PLEKHH3: variants seen among roughly 807,000 people sequenced by gnomAD.
The protein encoded by PLEKHH3 is pleckstrin homology, MyTH4 and FERM domain containing H3.
Under a neutral mutation model 77.8 loss-of-function variants are expected in PLEKHH3, and 57 were observed. The observed-to-expected ratio is 0.73, with a 90% CI of 0.59 to 0.91. The LOEUF (loss-of-function observed/expected upper bound fraction) is 0.91. PLEKHH3 is among the 40% of genes least tolerant of loss of function. The pLI, the probability that PLEKHH3 is intolerant of heterozygous loss-of-function variation, is 0.00. For missense variants in PLEKHH3, 1,082 were observed against 1,091.2 expected, an observed-to-expected ratio of 0.99 and a Z score of 0.12; for synonymous variants, 467 against 504.8, an observed-to-expected ratio of 0.93 and a Z score of 1.00.
chr17:42,669,419 T>G lies in PLEKHH3; in HGVS notation c.2205+11A>C. 1.3e-6 allele frequency: 2 copies of G among 1,514,750 alleles called. No individual in the cohort carries two copies. Among genetic ancestry groups the G allele is most frequent in the Non-Finnish European group, 1.8e-6 (2 of 1,129,174 alleles). 93.8% of individuals were successfully genotyped at this position (1,514,750 alleles called of 1,614,324 possible). A position where few individuals can be genotyped will look rare whatever the true frequency, so the allele number is the denominator to read the frequency against. On this transcript the variant is annotated intron_variant, in intron 12 of 12. Coordinates refer to ENST00000591022, the MANE Select transcript of PLEKHH3 (RefSeq NM_024927.5). ...TTCTCTCCTCCTCCCACAACTCCTC[T>G]TCTCACTCACCTGGGGGCTCTGCAG...
chr17:42,669,529 G>T lies in PLEKHH3; in HGVS notation c.2106C>A (p.His702Gln). The change falls in exon 12 of 13, where the codon CAC becomes CAA. Residue 702 changes from histidine to glutamine, a missense_variant. By Grantham distance (24) the His-to-Gln change is conservative. Around this residue, in one of 3 missense-constraint regions of PLEKHH3, gnomAD observed 733 missense variants for 750.0 expected, o/e 0.98. Transcript: ENST00000591022. ...LSRPGETEPI[H>Q]SVSYGHVAAC... ...CGGCCACATGGCCATAGCTGACACTGTGGATGGGCTCCGTCTCCCCTGGCC... is the reference window on the plus strand; with the variant it reads ...CGGCCACATGGCCATAGCTGACACTTTGGATGGGCTCCGTCTCCCCTGGCC... 1.2e-6 allele frequency: 2 copies of T among 1,611,766 alleles called. No individual in the cohort carries two copies. Among genetic ancestry groups the T allele is most frequent in the South Asian group, 2.2e-5 (2 of 90,982 alleles).
At chr17:42,674,249 T>C (rs919694300) in intron 2 of PLEKHH3, 105 bp downstream of exon 2, 20 of 1,354,454 alleles carry the variant, frequency 1.5e-5, no homozygotes, top group Non-Finnish European at 1.9e-5. Context: ...GCGTCCGGCA[T>C]AGGGCCTCTC....
rs754513780 is a variant in PLEKHH3, at chr17:42,673,303, G to A, written c.649-7C>T. ...CTGGGTCCCCGCAACTTTCCTAGGG[G>A]GCCAGGGAGAGGGTCACCTTGATGG... is the stretch of plus-strand genomic sequence containing the variant. On this transcript the variant is annotated splice_polypyrimidine_tract_variant and splice_region_variant and intron_variant, in intron 5 of 12. Coordinates refer to ENST00000591022, the MANE Select transcript of PLEKHH3 (RefSeq NM_024927.5). The A allele has an allele frequency of 6.3e-7, 1 of 1,599,316 alleles. No homozygotes were observed. Among genetic ancestry groups the A allele is most frequent in the South Asian group, 1.1e-5 (1 of 88,924 alleles).
At chr17:42,669,333 G>A in intron 12 of PLEKHH3, 97 bp downstream of exon 12, 1 of 1,279,608 alleles carries the variant, frequency 7.8e-7, no homozygotes, top group Non-Finnish European at 1.0e-6. Context: ...GATCCCCAGT[G>A]CTTAGAGCTC....
At position 42,672,316 on chromosome 17, in the gene PLEKHH3, G is replaced by C. The variant is rs1341010501; in HGVS notation, c.846C>G (p.Arg282=). 1 of 1,548,436 alleles carries C rather than the reference G, an allele frequency of 6.5e-7. No individual in the cohort carries two copies. Among genetic ancestry groups the C allele is most frequent in the East Asian group, 2.4e-5 (1 of 40,934 alleles). Residue 282 remains arginine, a synonymous_variant, in exon 7 of 13, where the codon CGC becomes CGG. Coordinates refer to ENST00000591022, the MANE Select transcript of PLEKHH3 (RefSeq NM_024927.5). The part of the protein sequence containing the change: ...LALQALEGAR[R]PGPLMQGVLQ... ...GCACACCCTGCATCAAGGGCCCGGG[G>C]CGCCGCGCCCCCTCCAGCGCCTGCA...
In PLEKHH3 at chr17:42,668,293, A is replaced by T. The variant is rs779690858; in HGVS notation, c.2216T>A (p.Ile739Asn). 2 of 1,548,988 alleles carry T rather than the reference A, an allele frequency of 1.3e-6. No individual in the cohort carries two copies. Among genetic ancestry groups the T allele is most frequent in the East Asian group, 5.0e-5 (2 of 39,868 alleles). The part of the protein sequence containing the change: ...LLLQSPQVEE[I>N]MQLVNAYLAN... Reference sequence around the variant, plus strand: ...CAAGTAGGCATTCACCAGCTGCATGATCTCTTCCACCTAAGAGAGGGCAGA... The same window carrying T: ...CAAGTAGGCATTCACCAGCTGCATGTTCTCTTCCACCTAAGAGAGGGCAGA... Residue 739 changes from isoleucine (I) to asparagine (N), a missense_variant, in exon 13 of 13, where the codon ATC becomes AAC. Ile to Asn is a moderately radical substitution (Grantham distance 149). This residue lies in a region of PLEKHH3 where 733 missense variants were observed against 750.0 expected (regional missense o/e 0.98). Transcript: ENST00000591022.
Position 42,670,133 on chromosome 17 carries a change from G to T in PLEKHH3, c.1798C>A (p.Arg600=). ...CCGCCGCGCCGGGCCCGCTCCGCCC[G>T]CCTCTTGGCCAGGCCCGGGCTCCAG... is the stretch of plus-strand genomic sequence containing the variant. ...ALWSPGLAKR[R]AERARRGGAG... is the part of the protein sequence containing the mutation. Residue 600 remains arginine (R), a synonymous_variant, in exon 11 of 13, where the codon CGG becomes AGG. Transcript: ENST00000591022. The T allele has an allele frequency of 8.1e-7, 1 of 1,230,526 alleles. No individual in the cohort carries two copies. 76.2% of individuals were successfully genotyped at this position (1,230,526 alleles called of 1,614,324 possible).
intron 12 of PLEKHH3, 25 bp from the exon 13 acceptor site, chr17:42,668,328 G>A (rs1320918139): frequency 1.3e-6 from 2 of 1,489,170 alleles, no homozygotes; most frequent in Non-Finnish European, 1.8e-6. Context: ...AGGTCAGTGT[G>A]CAACAGGGGC....
Position 42,669,515 on chromosome 17 carries a change from C to G in PLEKHH3, c.2120G>C (p.Gly707Ala). 1 of 1,610,430 alleles carries G rather than the reference C, an allele frequency of 6.2e-7. No individual in the cohort carries two copies. The highest frequency in any genetic ancestry group is 1.3e-5 in the African/African-American group (1 of 74,988). The change falls in exon 12 of 13, where the codon GGC (glycine) becomes GCC (alanine). Residue 707 changes from glycine to alanine, a missense_variant. Coordinates refer to ENST00000591022, the MANE Select transcript of PLEKHH3 (RefSeq NM_024927.5). Reference sequence around the variant, plus strand: ...CATTAGCTGGCAGGCGGCCACATGGCCATAGCTGACACTGTGGATGGGCTC... The same window carrying G: ...CATTAGCTGGCAGGCGGCCACATGGGCATAGCTGACACTGTGGATGGGCTC... ...ETEPIHSVSYGHVAACQLMGP... is the reference protein window; with the variant it reads ...ETEPIHSVSYAHVAACQLMGP...
At chr17:42,670,837 T>G in intron 9 of PLEKHH3, 132 bp from the exon 10 acceptor site, 3 of 1,519,754 alleles carry the variant, frequency 2.0e-6, no homozygotes, top group South Asian at 1.3e-5. Context: ...GATGCTGCAG[T>G]CGGACTGCAA....
At position 42,669,543 on chromosome 17, in the gene PLEKHH3, T is replaced by G. The variant is rs1597786827; in HGVS notation, c.2092A>C (p.Thr698Pro). ...KAMSLSRPGE[T>P]EPIHSVSYGH... The stretch of plus-strand genomic sequence containing the variant: ...TAGCTGACACTGTGGATGGGCTCCG[T>G]CTCCCCTGGCCGGGAGAGGGACATG... Residue 698 changes from threonine (T) to proline (P), a missense_variant, in exon 12 of 13, where the codon ACG becomes CCG. Around this residue, in one of 3 missense-constraint regions of PLEKHH3, gnomAD observed 733 missense variants for 750.0 expected, o/e 0.98. Coordinates refer to ENST00000591022, the MANE Select transcript of PLEKHH3 (RefSeq NM_024927.5). 6.2e-7 allele frequency: 1 copy of G among 1,611,970 alleles called. No individual in the cohort carries two copies.
At chr17:42,669,717 C>A in intron 11 of PLEKHH3, 96 bp from the exon 12 acceptor site, 2 of 1,455,676 alleles carry the variant, frequency 1.4e-6, no homozygotes, top group African/African-American at 1.4e-5. Flanking sequence ...TATCCTGATC[C>A]CCCTATGATT....
In PLEKHH3 at chr17:42,671,917, T is replaced by A. The variant is rs73983742; in HGVS notation, c.1076+169A>T. Among the ~76,000 whole-genome samples the A allele has an allele frequency of 0.026, 4,002 of 152,300 alleles. 166 individuals carry two copies. Among genetic ancestry groups the A allele is most frequent in the African/African-American group, 0.085 (3,514 of 41,554 alleles). On this transcript the variant is annotated intron_variant, in intron 7 of 12. Coordinates refer to ENST00000591022, the MANE Select transcript of PLEKHH3 (RefSeq NM_024927.5). The surrounding 1 kb of genome is among the most constrained non-coding windows in gnomAD (Gnocchi z 4.7). The stretch of plus-strand genomic sequence containing the variant: ...ACTCCTCAGCCCAAGGGGGGCGTTT[T>A]ATTGTAATTCATCCGCTCACAACTG...
rs2052686898 is a variant in PLEKHH3 at position 42,670,990 on chromosome 17, T to G, written c.1421+4A>C. 1 of 1,608,782 alleles carries G rather than the reference T, an allele frequency of 6.2e-7. No homozygotes were observed. The highest frequency in any genetic ancestry group is 8.5e-7 in the Non-Finnish European group (1 of 1,178,668). On this transcript the variant is annotated splice_donor_region_variant and intron_variant, in intron 9 of 12. Transcript: ENST00000591022. ...AGAGAGCAGGGCTGGGGCTGGACATTTACTTCTCAAACCTGGTGAGCACGT... is the reference window on the plus strand; with the variant it reads ...AGAGAGCAGGGCTGGGGCTGGACATGTACTTCTCAAACCTGGTGAGCACGT...
chr17:42,670,933 A>G (rs997483868), intron 9 of PLEKHH3, 61 bp downstream of exon 9: 1 of 1,580,350 alleles, frequency 6.3e-7, no homozygotes, highest in Non-Finnish European at 8.6e-7. Flanking sequence ...CCGCTTAGAG[A>G]CTGACCTCAG....
chr17:42,676,346 G>A lies in PLEKHH3; in HGVS notation c.162+56C>T. 2 of 1,600,230 alleles carry A rather than the reference G, an allele frequency of 1.2e-6. No homozygotes were observed. The highest frequency in any genetic ancestry group is 1.7e-6 in the Non-Finnish European group (2 of 1,171,636). On this transcript the variant is annotated intron_variant, in intron 1 of 12. Transcript: ENST00000591022. The surrounding 1 kb of genome is among the most constrained non-coding windows in gnomAD (Gnocchi z 6.6). The stretch of plus-strand genomic sequence containing the variant: ...GCTGGAGGCTGGAGCGGATCAGCGT[G>A]ACGGCCGGTTACAGCGAGAGTGATT...
At chr17:42,670,756 C>A (rs1405210230) in intron 9 of PLEKHH3, 51 bp from the exon 10 acceptor site, 1 of 1,561,294 alleles carries the variant, frequency 6.4e-7, no homozygotes, top group African/African-American at 1.4e-5. Flanking sequence ...ACCCCTACGG[C>A]GAGGGCAGCT....
rs1283823658 is a variant in PLEKHH3, at chr17:42,670,608, G to C, written c.1519C>G (p.Pro507Ala). ...AGGAAAGGCAGTTCGTGACCGTCTG[G>C]GGACAGCCCCTCAGGGTGCAGAGGT... ...HGPLHPEGLS[P>A]DGHELPFLFE... The change falls in exon 10 of 13, where the codon CCA (proline) becomes GCA (alanine). Residue 507 changes from proline (P) to alanine (A), a missense_variant. Around this residue, in one of 3 missense-constraint regions of PLEKHH3, gnomAD observed 733 missense variants for 750.0 expected, o/e 0.98. Transcript: ENST00000591022. 6.2e-7 allele frequency: 1 copy of C among 1,612,418 alleles called. No individual in the cohort carries two copies. The highest frequency in any genetic ancestry group is 8.5e-7 in the Non-Finnish European group (1 of 1,179,328).
Position 42,670,011 on chromosome 17 carries a change from C to T in PLEKHH3, c.1920G>A (p.Met640Ile), listed in dbSNP as rs755013149. The T allele has an allele frequency of 3.7e-5, 59 of 1,595,794 alleles. No individual in the cohort carries two copies. The Admixed American group carries it at 7.2e-4, about 19-fold the overall frequency. The change falls in exon 11 of 13, where the codon ATG becomes ATA. Residue 640 changes from methionine to isoleucine, a missense_variant. Physicochemically the swap from Met to Ile is conservative, Grantham distance 10 (BLOSUM62 1). Coordinates refer to ENST00000591022, the MANE Select transcript of PLEKHH3 (RefSeq NM_024927.5). Reference protein sequence around the residue: ...VLGGWKRLRGMGRAEAMAAYL... With the variant: ...VLGGWKRLRGIGRAEAMAAYL... Reference sequence around the variant, plus strand: ...AGGCGGCCATGGCCTCAGCTCGGCCCATGCCCCGTAGCCGCTTCCAGCCGC... The same window carrying T: ...AGGCGGCCATGGCCTCAGCTCGGCCTATGCCCCGTAGCCGCTTCCAGCCGC...
Sources: gnomAD v4.1 joint callset for allele counts (sites outside exome capture counted in the v4.1 genomes callset) on GRCh38, gnomAD v4.1.1 for gene constraint, gnomAD v4.1.1 regional missense constraint, Gnocchi (gnomAD v3.1) non-coding constraint, MANE v1.5 for transcripts, NCBI Gene and HGNC (gene_info 2026-07-23, HGNC 2026-07-21) for gene names.